The following RBM6 variants were observed in gnomAD, a reference collection of about 807,000 sequenced individuals.
The protein encoded by RBM6 is RNA-binding protein 6.
RBM6 carries 23 observed loss-of-function variants against 140.4 expected under a neutral mutation model. The ratio of observed to expected loss-of-function variants is 0.16; its 90% CI spans 0.12 to 0.23. RBM6 has a LOEUF of 0.23. Among genes scored for constraint, RBM6 ranks in the 10% least tolerant of loss-of-function variants. The pLI, the probability that RBM6 is intolerant of heterozygous loss-of-function variation, is 1.00. For synonymous variants in RBM6, 439 were observed against 475.6 expected, an observed-to-expected ratio of 0.92 and a Z score of 1.00; for missense variants, 1,139 against 1,386.7, an observed-to-expected ratio of 0.82 and a Z score of 2.84.
intron 6 of RBM6, among the ~76,000 whole-genome samples, chr3:50,046,088 C>G (rs2089204197): frequency 6.6e-6 from 1 of 151,632 alleles, no homozygotes; most frequent in South Asian, 2.1e-4. Flanking sequence ...CGAGACCAGC[C>G]TGACCAACAT....
intron 20 of RBM6, among the ~76,000 whole-genome samples, chr3:50,075,602 G>GT (rs2090437055): frequency 6.6e-6 from 1 of 152,146 alleles, no homozygotes; most frequent in Admixed American, 6.6e-5. Flanking sequence ...ATCTGAGGCA[G>GT]TTTGAGACTG....
At chr3:50,048,132 T>C in intron 6 of RBM6, 113 bp from the exon 7 acceptor site, 1 of 1,492,340 alleles carries the variant, frequency 6.7e-7, no homozygotes, top group South Asian at 1.4e-5. Context: ...TGAATTAAGC[T>C]CACTCTTTAT....
intron 5 of RBM6, 85 bp downstream of exon 5, chr3:49,975,477 C>T (rs2085024489): frequency 2.6e-6 from 3 of 1,147,986 alleles, no homozygotes; most frequent in African/African-American, 1.6e-5. Context: ...AAATTTGTTT[C>T]AAGAAACCAC....
At chr3:50,007,268 C>T (rs1428956612) in intron 6 of RBM6, among the ~76,000 whole-genome samples, 1 of 150,262 alleles carries the variant, frequency 6.7e-6, no homozygotes, top group Non-Finnish European at 1.5e-5. Context: ...GCGATCTCGG[C>T]TCACTGCAAC....
In RBM6 at chr3:50,058,052, GC is replaced by G. The variant is rs769392279; in HGVS notation, c.1969+50del. 2.5e-6 allele frequency: 4 copies of G among 1,579,862 alleles called. No homozygotes were observed. The Admixed American group carries it at 7.0e-5, about 28-fold the overall frequency. On this transcript the variant is annotated intron_variant, in intron 9 of 20. Transcript: ENST00000266022. ...ACCAGACTGTGATCATCACAATGGA[GC>G]ATAGATGGCCAATGTTATGTCCGGG...
chr3:49,963,111 CAAAAAAAAAA>C (rs1219576596), intron 2 of RBM6: 1 of 67,396 alleles, frequency 1.5e-5, no homozygotes, highest in African/African-American at 5.7e-5. Context: ...AAAACAAAAA[CAAAAAAAAAA>C]AAAGAAAAAA....
chr3:50,031,723 A>G (rs1169218061), intron 6 of RBM6, among the ~76,000 whole-genome samples: 1 of 152,212 alleles, frequency 6.6e-6, no homozygotes, highest in East Asian at 1.9e-4. Flanking sequence ...TAGAACTTAA[A>G]GTATAAAAAA....
intron 11 of RBM6, among the ~76,000 whole-genome samples, chr3:50,060,533 G>T (rs947805402): frequency 6.6e-6 from 1 of 151,738 alleles, no homozygotes; most frequent in African/African-American, 2.4e-5. Flanking sequence ...AGATCATGAG[G>T]TCAGGAGATT....
At chr3:49,971,279 A>G (rs1194361767) in intron 3 of RBM6, among the ~76,000 whole-genome samples, 3 of 149,188 alleles carry the variant, frequency 2.0e-5, no homozygotes, top group Admixed American at 2.0e-4. Flanking sequence ...AAAAAAAAAA[A>G]AAAACGAAAA....
intron 6 of RBM6, among the ~76,000 whole-genome samples, chr3:50,004,339 A>C (rs1308238923): frequency 7.3e-6 from 1 of 137,378 alleles, no homozygotes; most frequent in Non-Finnish European, 1.5e-5. Context: ...ATTGGAGACA[A>C]GGTCTCCCTC....
rs771799134 is a variant in RBM6, at chr3:50,059,734, C to G, written c.2216C>G (p.Thr739Ser). The G allele has an allele frequency of 1.2e-6, 2 of 1,613,540 alleles. No homozygotes were observed. Among genetic ancestry groups the G allele is most frequent in the African/African-American group, 1.3e-5 (1 of 74,900 alleles). The change falls in exon 11 of 21, where the codon ACT (threonine) becomes AGT (serine). Residue 739 changes from threonine (T) to serine (S), a missense_variant. Thr to Ser is a moderately conservative substitution (Grantham distance 58). This residue lies in a region of RBM6 where 47 missense variants were observed against 117.6 expected (regional missense o/e 0.40). Coordinates refer to ENST00000266022, the MANE Select transcript of RBM6 (RefSeq NM_005777.3). ...DGKMVAVNLA[T>S]GKRRNDSGDH... is the part of the protein sequence containing the mutation. ...AAGATGGTAGCTGTAAACCTGGCCA[C>G]TGGAAAACGAAGGTAAGGCAGAAGG...
chr3:49,979,389 T>C (rs1441947055), intron 5 of RBM6, among the ~76,000 whole-genome samples: 1 of 152,060 alleles, frequency 6.6e-6, no homozygotes, highest in Non-Finnish European at 1.5e-5. Flanking sequence ...GCTCCTGAAT[T>C]GTACACTTTA....
At chr3:50,049,092 G>A (rs1468518699) in intron 7 of RBM6, among the ~76,000 whole-genome samples, 2 of 151,354 alleles carry the variant, frequency 1.3e-5, no homozygotes, top group Non-Finnish European at 2.9e-5. Flanking sequence ...ATGAGCCACC[G>A]CGCTGGCCTG....
chr3:49,968,740 G>T lies in RBM6; in HGVS notation c.1315G>T (p.Asp439Tyr). Residue 439 changes from aspartate (D) to tyrosine (Y), a missense_variant, in exon 3 of 21, where the codon GAC becomes TAC. Around this residue, in one of 9 missense-constraint regions of RBM6, gnomAD observed 566 missense variants for 612.7 expected, o/e 0.92. Transcript: ENST00000266022. ...EGKTARDAQRDLQDQDYRTGP... is the reference protein window; with the variant it reads ...EGKTARDAQRYLQDQDYRTGP... ...CAAAACTGCCCGAGATGCCCAACGG[G>T]ACCTTCAGGTATGTTGATGGGGTGG... is the stretch of plus-strand genomic sequence containing the variant. 1 of 1,585,294 alleles carries T rather than the reference G, an allele frequency of 6.3e-7. No individual in the cohort carries two copies. Among genetic ancestry groups the T allele is most frequent in the Non-Finnish European group, 8.6e-7 (1 of 1,159,798 alleles).
At chr3:50,044,013 T>C (rs1224523546) in intron 6 of RBM6, among the ~76,000 whole-genome samples, 1 of 152,022 alleles carries the variant, frequency 6.6e-6, no homozygotes. Context: ...TCCGACTGGC[T>C]GGGACTGCAG....
At chr3:50,029,168 C>T (rs1206379908) in intron 6 of RBM6, among the ~76,000 whole-genome samples, 1 of 152,108 alleles carries the variant, frequency 6.6e-6, no homozygotes, top group East Asian at 1.9e-4. Context: ...TGGTGGATTA[C>T]AAGAATGTAA....
intron 1 of RBM6, among the ~76,000 whole-genome samples, chr3:49,941,264 G>C (rs971446806): frequency 2.0e-5 from 3 of 152,132 alleles, no homozygotes; most frequent in Admixed American, 2.0e-4. Flanking sequence ...CACAAAAGTT[G>C]AATTTGAACC....
At chr3:49,986,523 A>T (rs539567473) in intron 5 of RBM6, among the ~76,000 whole-genome samples, 1 of 149,324 alleles carries the variant, frequency 6.7e-6, no homozygotes, top group South Asian at 2.2e-4. Context: ...TGAACCCGGG[A>T]GGCAGAGCTT....
At chr3:49,984,656 G>A (rs199956414) in intron 5 of RBM6, among the ~76,000 whole-genome samples, 72,092 of 150,876 alleles carry the variant, frequency 0.48, 17,891 homozygotes, top group African/African-American at 0.53. Context: ...GCATCGCATC[G>A]CATCGCATTG....
Sources: gnomAD v4.1 joint callset for allele counts (sites outside exome capture counted in the v4.1 genomes callset) on GRCh38, gnomAD v4.1.1 for gene constraint, gnomAD v4.1.1 regional missense constraint, MANE v1.5 for transcripts, NCBI Gene and HGNC (gene_info 2026-07-23, HGNC 2026-07-21) for gene names.